The following FABP12 variants were observed in gnomAD, a reference collection of about 807,000 sequenced individuals.
FABP12 encodes fatty acid binding protein 12.
A neutral mutation model predicts 13.7 loss-of-function variants in FABP12; 19 were observed. That is an observed-to-expected ratio of 1.39 (90% CI 0.97 to 2.04). The LOEUF (loss-of-function observed/expected upper bound fraction) is 2.04, where lower values mean the gene tolerates loss of function less well. Ranked by LOEUF, FABP12 falls within the 30% of genes most tolerant of loss-of-function variation. The probability of loss-of-function intolerance (pLI) is 0.00; values close to 1 mark genes in which losing one functional copy is unlikely to be tolerated. For missense variants in FABP12, 182 were observed against 164.2 expected, an observed-to-expected ratio of 1.11 and a Z score of -0.59; for synonymous variants, 61 against 57.0, an observed-to-expected ratio of 1.07 and a Z score of -0.32.
intron 4 of FABP12, among the ~76,000 whole-genome samples, chr8:81,525,553 G>T (rs968739268): frequency 5.5e-5 from 8 of 144,708 alleles, no homozygotes; most frequent in African/African-American, 8.3e-5. Context: ...TAGATAGATA[G>T]ATGATAGATA....
At chr8:81,567,816 C>T (rs144481526) in intron 1 of FABP12, among the ~76,000 whole-genome samples, 1 of 152,286 alleles carries the variant, frequency 6.6e-6, no homozygotes, top group Non-Finnish European at 1.5e-5. Flanking sequence ...AATGGAATCA[C>T]ATCGAGTTAA....
chr8:81,544,141 CAAAT>C (rs1037527462), intron 1 of FABP12, among the ~76,000 whole-genome samples: 3 of 152,082 alleles, frequency 2.0e-5, no homozygotes, highest in Non-Finnish European at 2.9e-5. Flanking sequence ...ATCAGAATAA[CAAAT>C]AATGGAGGCA....
chr8:81,578,973 C>T (rs1031437128), intron 1 of FABP12, among the ~76,000 whole-genome samples: 10 of 151,520 alleles, frequency 6.6e-5, no homozygotes, highest in Non-Finnish European at 1.2e-4. Context: ...GGACTACAGG[C>T]GCCCGCCACC....
At position 81,531,917 on chromosome 8, in the gene FABP12, G is replaced by A. The variant is rs374872956; in HGVS notation, c.-75-527C>T. 3.0e-3 allele frequency among the ~76,000 whole-genome samples: 450 copies of A among 150,982 alleles called. 3 individuals are homozygous for A. Among genetic ancestry groups the A allele is most frequent in the South Asian group, 9.2e-3 (44 of 4,784 alleles). On this transcript the variant is annotated intron_variant, in intron 1 of 4. Transcript: ENST00000360464. ...GAGAATGGGACAGAGAAAAAAGAAAGGAAAGAGATCATGTTACAAACACAT... is the reference window on the plus strand; with the variant it reads ...GAGAATGGGACAGAGAAAAAAGAAAAGAAAGAGATCATGTTACAAACACAT...
intron 1 of FABP12, among the ~76,000 whole-genome samples, chr8:81,549,267 C>T (rs538509149): frequency 6.6e-6 from 1 of 151,662 alleles, no homozygotes; most frequent in Non-Finnish European, 1.5e-5. Flanking sequence ...ACGTACACAC[C>T]CTGGTTGGTT....
intron 3 of FABP12, 91 bp from the exon 4 acceptor site, chr8:81,527,212 A>T: frequency 1.5e-6 from 1 of 682,700 alleles, no homozygotes. Flanking sequence ...AGCTGTTGTA[A>T]TACTCTCAGG....
intron 1 of FABP12, among the ~76,000 whole-genome samples, chr8:81,544,040 T>C (rs989000725): frequency 6.6e-6 from 1 of 152,146 alleles, no homozygotes; most frequent in African/African-American, 2.4e-5. Context: ...AAATACGTGG[T>C]GGTCTGGAGT....
intron 3 of FABP12, among the ~76,000 whole-genome samples, chr8:81,527,804 A>G (rs1808947123): frequency 6.6e-6 from 1 of 152,150 alleles, no homozygotes; most frequent in Admixed American, 6.5e-5. Flanking sequence ...CATAAAAAAT[A>G]ATAAATTAGC....
At chr8:81,547,379 T>G (rs1488239933) in intron 1 of FABP12, among the ~76,000 whole-genome samples, 1 of 152,236 alleles carries the variant, frequency 6.6e-6, no homozygotes, top group Non-Finnish European at 1.5e-5. Context: ...TGAGAGTCAA[T>G]GAAAATTAAG....
chr8:81,542,756 TCTC>T (rs1809371257), intron 1 of FABP12, among the ~76,000 whole-genome samples: 1 of 152,220 alleles, frequency 6.6e-6, no homozygotes, highest in Non-Finnish European at 1.5e-5. Context: ...TGATTTCTAA[TCTC>T]CTCTTTTGAA....
chr8:81,546,458 C>G (rs937301222), intron 1 of FABP12, among the ~76,000 whole-genome samples: 1 of 151,328 alleles, frequency 6.6e-6, no homozygotes, highest in African/African-American at 2.4e-5. Context: ...TGTAGACCAT[C>G]CTGGCTAACA....
intron 1 of FABP12, among the ~76,000 whole-genome samples, chr8:81,555,339 AC>A (rs1256424964): frequency 6.6e-6 from 1 of 152,206 alleles, no homozygotes; most frequent in African/African-American, 2.4e-5. Context: ...AGACAAATAA[AC>A]ATTAAGATTT....
At chr8:81,585,726 TTG>T (rs1368988838) in intron 1 of FABP12, among the ~76,000 whole-genome samples, 1 of 152,218 alleles carries the variant, frequency 6.6e-6, no homozygotes, top group African/African-American at 2.4e-5. Context: ...TTCACATTTT[TTG>T]TGTGTGTCCT....
upstream of FABP12, among the ~76,000 whole-genome samples, chr8:81,537,128 GA>G (rs1809241565): frequency 6.6e-6 from 1 of 152,116 alleles, no homozygotes; most frequent in Non-Finnish European, 1.5e-5. Context: ...AATGCCAACA[GA>G]AAAATTAATA....
chr8:81,527,522 CCAGCTAATTTT>C (rs1248048100), intron 3 of FABP12, among the ~76,000 whole-genome samples: 1 of 151,996 alleles, frequency 6.6e-6, no homozygotes. Context: ...ACCACCACGC[CCAGCTAATTTT>C]TGTATTTTTA....
intron 1 of FABP12, among the ~76,000 whole-genome samples, chr8:81,543,960 C>T (rs968373088): frequency 1.3e-5 from 2 of 152,018 alleles, no homozygotes; most frequent in Non-Finnish European, 2.9e-5. Flanking sequence ...CAGGTTAGTA[C>T]ATTTACAGTG....
chr8:81,588,253 G>A (rs1810272118), intron 1 of FABP12, among the ~76,000 whole-genome samples: 1 of 152,052 alleles, frequency 6.6e-6, no homozygotes, highest in Non-Finnish European at 1.5e-5. Flanking sequence ...AGAGCCTTTG[G>A]GCAGAGACTG....
At chr8:81,583,580 C>G (rs1810199295) in intron 1 of FABP12, among the ~76,000 whole-genome samples, 1 of 151,946 alleles carries the variant, frequency 6.6e-6, no homozygotes, top group African/African-American at 2.4e-5. Context: ...CACTAAAAAA[C>G]TGGAAAGACT....
chr8:81,558,498 T>G (rs577867078), intron 1 of FABP12, among the ~76,000 whole-genome samples: 156 of 152,182 alleles, frequency 1.0e-3, no homozygotes, highest in African/African-American at 3.7e-3. Context: ...GCTGCCGCAG[T>G]CCCTGAGCCT....
Sources: allele counts gnomAD v4.1 joint callset (sites outside exome capture counted in the v4.1 genomes callset), GRCh38; gene constraint gnomAD v4.1.1; transcripts MANE v1.5; gene names NCBI Gene and HGNC (gene_info 2026-07-23, HGNC 2026-07-21).